Variants in SAMD5 observed in about 807,000 individuals in gnomAD.
SAMD5 encodes the protein sterile alpha motif domain-containing protein 5.
SAMD5 carries 13 observed loss-of-function variants against 11.3 expected under a neutral mutation model. The ratio of observed to expected loss-of-function variants is 1.15; its 90% CI spans 0.75 to 1.83. SAMD5 has a LOEUF of 1.83. Among genes scored for constraint, SAMD5 ranks in the 40% most tolerant of loss-of-function variants. The pLI is 0.00. For synonymous variants in SAMD5, 129 were observed against 111.3 expected (o/e 1.16, Z -1.00); for missense variants, 255 against 239.1 (o/e 1.07, Z -0.44).
intron 1 of SAMD5, among the ~76,000 whole-genome samples, chr6:147,694,781 C>T (rs995309689): frequency 2.0e-5 from 3 of 152,180 alleles, no homozygotes; most frequent in African/African-American, 7.2e-5. Context: ...TGCACCACTG[C>T]ATTCCAGCCT....
At chr6:147,884,181 C>T in the SAMD5 span, among the ~76,000 whole-genome samples, 6 of 152,200 alleles carry the variant, frequency 3.9e-5, no homozygotes, top group East Asian at 1.9e-4. Context: ...AGAGTACAGA[C>T]GTCTTGCCTA....
chr6:147,614,326 G>C (rs1430419502), intron 1 of SAMD5, among the ~76,000 whole-genome samples: 2 of 151,734 alleles, frequency 1.3e-5, no homozygotes, highest in African/African-American at 2.4e-5. Flanking sequence ...AAAATGAGCT[G>C]GGTGTGGCGG....
the SAMD5 span, among the ~76,000 whole-genome samples, chr6:147,850,045 T>C: frequency 6.6e-6 from 1 of 152,240 alleles, no homozygotes; most frequent in Non-Finnish European, 1.5e-5. Flanking sequence ...TTACAATGTA[T>C]GCTTTAATAA....
the SAMD5 span, among the ~76,000 whole-genome samples, chr6:147,771,699 C>T: frequency 1.3e-5 from 2 of 152,172 alleles, no homozygotes; most frequent in African/African-American, 4.8e-5. Context: ...ATTGGTCCCA[C>T]ACCCCTCAAC....
rs1434114464 is a variant in SAMD5 at position 147,711,547 on chromosome 6, C to T, written c.163-25770C>T. On this transcript the variant is annotated intron_variant, in intron 1 of 1. Transcript: ENST00000566741. This position sits in a 1 kb window ranked among gnomAD's most constrained non-coding sequence, Gnocchi z 4.1. Reference sequence around the variant, plus strand: ...GCCTATTTTTGTTAATCACTATAAACGGTGGCTGTAGCAGAGCTGATTCAT... The same window carrying T: ...GCCTATTTTTGTTAATCACTATAAATGGTGGCTGTAGCAGAGCTGATTCAT... 6.6e-6 allele frequency among the ~76,000 whole-genome samples: 1 copy of T among 152,138 alleles called. No homozygotes were observed. The highest frequency in any genetic ancestry group is 1.5e-5 in the Non-Finnish European group (1 of 68,026).
intron 1 of SAMD5, among the ~76,000 whole-genome samples, chr6:147,632,676 CA>C (rs1440847105): frequency 1.1e-4 from 17 of 152,104 alleles, no homozygotes; most frequent in Admixed American, 9.2e-4. Flanking sequence ...GAATTTCGAC[CA>C]CACAGTATTG....
the SAMD5 span, among the ~76,000 whole-genome samples, chr6:147,817,492 C>A: frequency 6.6e-6 from 1 of 152,176 alleles, no homozygotes; most frequent in Non-Finnish European, 1.5e-5. Context: ...ATCACCATGT[C>A]TTTTTTCTTA....
At chr6:147,828,316 C>T in the SAMD5 span, among the ~76,000 whole-genome samples, 3 of 151,964 alleles carry the variant, frequency 2.0e-5, no homozygotes, top group African/African-American at 7.3e-5. Flanking sequence ...CTTGGCCCTG[C>T]CCTTGCAAAA....
intron 1 of SAMD5, among the ~76,000 whole-genome samples, chr6:147,588,312 G>GTTTT (rs34758455): frequency 9.7e-6 from 1 of 103,138 alleles, no homozygotes; most frequent in Non-Finnish European, 1.8e-5. Flanking sequence ...TACTTTGTTG[G>GTTTT]TTTTTTTTTT....
chr6:147,843,834 G>C, the SAMD5 span, among the ~76,000 whole-genome samples: 3 of 152,076 alleles, frequency 2.0e-5, no homozygotes, highest in Non-Finnish European at 4.4e-5. Flanking sequence ...CCTTATGTAT[G>C]AATCAACTCC....
chr6:147,834,948 G>T, the SAMD5 span, among the ~76,000 whole-genome samples: 2 of 152,160 alleles, frequency 1.3e-5, no homozygotes, highest in Non-Finnish European at 2.9e-5. Flanking sequence ...GAAAAATGAG[G>T]CTGGGTGTGG....
the SAMD5 span, among the ~76,000 whole-genome samples, chr6:147,746,635 C>A: frequency 6.6e-6 from 1 of 152,142 alleles, no homozygotes; most frequent in South Asian, 2.1e-4. Flanking sequence ...AAAAGGCTTA[C>A]AGATATGTCT....
chr6:147,837,848 T>G, the SAMD5 span, among the ~76,000 whole-genome samples: 1 of 152,324 alleles, frequency 6.6e-6, no homozygotes, highest in East Asian at 1.9e-4. Context: ...ACTAAAATAC[T>G]CGACTCAAAC....
At chr6:147,812,392 C>T in the SAMD5 span, among the ~76,000 whole-genome samples, 3 of 151,776 alleles carry the variant, frequency 2.0e-5, no homozygotes, top group African/African-American at 7.2e-5. Flanking sequence ...TGTGTCTCTC[C>T]GTGTGTAGTA....
At chr6:147,762,003 A>G in the SAMD5 span, among the ~76,000 whole-genome samples, 1 of 151,970 alleles carries the variant, frequency 6.6e-6, no homozygotes, top group Non-Finnish European at 1.5e-5. Context: ...GTGAGCCACC[A>G]CGCCTGGCCT....
At chr6:147,819,404 C>T in the SAMD5 span, among the ~76,000 whole-genome samples, 2 of 151,920 alleles carry the variant, frequency 1.3e-5, no homozygotes, top group African/African-American at 4.8e-5. Context: ...ACAGATTTAC[C>T]TATATAACAA....
the SAMD5 span, among the ~76,000 whole-genome samples, chr6:147,890,745 T>C: frequency 6.8e-6 from 1 of 147,370 alleles, no homozygotes; most frequent in African/African-American, 2.4e-5. Context: ...GCTATGGATA[T>C]TTGGATAGTT....
At chr6:147,761,506 T>G in the SAMD5 span, among the ~76,000 whole-genome samples, 3 of 152,042 alleles carry the variant, frequency 2.0e-5, no homozygotes, top group Admixed American at 1.3e-4. Context: ...TAGAAGTCTC[T>G]CTAAAAAAAT....
At chr6:147,674,957 A>G (rs748806687) in intron 1 of SAMD5, among the ~76,000 whole-genome samples, 4 of 152,216 alleles carry the variant, frequency 2.6e-5, no homozygotes, top group Non-Finnish European at 5.9e-5. Context: ...AGAAAACACT[A>G]ACCCTTGCCC....
Sources: gnomAD v4.1 joint callset for allele counts (sites outside exome capture counted in the v4.1 genomes callset) on GRCh38, gnomAD v4.1.1 for gene constraint, Gnocchi (gnomAD v3.1) non-coding constraint, MANE v1.5 for transcripts, NCBI Gene and HGNC (gene_info 2026-07-23, HGNC 2026-07-21) for gene names.